The following LRRC75A variants were observed in gnomAD, a reference collection of about 807,000 sequenced individuals.
LRRC75A encodes the protein leucine rich repeat containing 75A.
Under a neutral mutation model 26.0 loss-of-function variants are expected in LRRC75A, and 12 were observed. The ratio of observed to expected loss-of-function variants is 0.46; its 90% CI spans 0.30 to 0.75. The LOEUF is 0.75. Ranked by LOEUF, LRRC75A falls within the 30% of genes least tolerant of loss-of-function variation. The probability of loss-of-function intolerance (pLI) is 0.08; values close to 1 mark genes in which losing one functional copy is unlikely to be tolerated. For missense variants in LRRC75A, 410 were observed against 486.6 expected (o/e 0.84, Z 1.48); for synonymous variants, 223 against 219.3 (o/e 1.02, Z -0.15).
chr17:16,459,575 G>A lies in LRRC75A; in HGVS notation c.375+2683C>T, dbSNP rs77102880. Among the ~76,000 whole-genome samples, 1,481 of 152,334 alleles carry A rather than the reference G, an allele frequency of 9.7e-3. 16 individuals are homozygous for A. Among genetic ancestry groups the A allele is most frequent in the Non-Finnish European group, 0.017 (1,162 of 68,022 alleles). ...CAGGCAAAGCCAGATGAGGAGTTTG[G>A]GTTTTGTTTAAACTACAGCACAGCC... On this transcript the variant is annotated intron_variant, in intron 2 of 3. Coordinates refer to ENST00000470794, the MANE Select transcript of LRRC75A (RefSeq NM_001113567.3).
intron 1 of LRRC75A, among the ~76,000 whole-genome samples, chr17:16,479,918 C>T (rs2093829739): frequency 6.6e-6 from 1 of 152,212 alleles, no homozygotes; most frequent in Non-Finnish European, 1.5e-5. Context: ...CAGTCTGTGA[C>T]CTGTTAGGAA....
In LRRC75A at chr17:16,462,763, G is replaced by A. The variant is rs1323239223; in HGVS notation, c.247-377C>T. ...ATTTGGAATTAACTGCCTTGTGACA[G>A]GATGGTTTAATGATATTTATTTGTG... On this transcript the variant is annotated intron_variant, in intron 1 of 3. Transcript: ENST00000470794. This position sits in a 1 kb window ranked among gnomAD's most constrained non-coding sequence, Gnocchi z 4.6. 2 of 227,452 alleles carry A rather than the reference G, an allele frequency of 8.8e-6. No individual in the cohort carries two copies. The highest frequency in any genetic ancestry group is 1.5e-3 in the Middle Eastern group (1 of 654). The allele number at this position is 227,452 out of a possible 1,614,324, so 14.1% of individuals were successfully genotyped here.
intron 1 of LRRC75A, among the ~76,000 whole-genome samples, chr17:16,473,639 C>G (rs1026544402): frequency 6.6e-6 from 1 of 152,160 alleles, no homozygotes; most frequent in Admixed American, 6.5e-5. Context: ...CATTGGCACC[C>G]ACTCCCCGCT....
chr17:16,454,469 A>T lies in LRRC75A; in HGVS notation c.376-6509T>A, dbSNP rs192552103. Reference sequence around the variant, plus strand: ...CACTTTGGGAGGCAGAGGGGGGCGGATCACCTGAGGTTGGGAGTTTGAGAC... The same window carrying T: ...CACTTTGGGAGGCAGAGGGGGGCGGTTCACCTGAGGTTGGGAGTTTGAGAC... On this transcript the variant is annotated intron_variant, in intron 2 of 3. Transcript: ENST00000470794. Among the ~76,000 whole-genome samples the T allele has an allele frequency of 2.6e-3, 396 of 152,106 alleles. 4 individuals carry two copies. The highest frequency in any genetic ancestry group is 9.2e-3 in the African/African-American group (381 of 41,462).
At chr17:16,489,648 G>A (rs2093853460) in intron 1 of LRRC75A, among the ~76,000 whole-genome samples, 1 of 152,246 alleles carries the variant, frequency 6.6e-6, no homozygotes. Flanking sequence ...TCATAGGCAA[G>A]TGAACACTCC....
chr17:16,452,892 G>A (rs1436498028), intron 2 of LRRC75A, among the ~76,000 whole-genome samples: 2 of 152,144 alleles, frequency 1.3e-5, no homozygotes, highest in African/African-American at 4.8e-5. Context: ...GCTTAGAACT[G>A]AGCCCCTCAG....
At chr17:16,455,559 T>A (rs1003619327) in intron 2 of LRRC75A, among the ~76,000 whole-genome samples, 2 of 152,098 alleles carry the variant, frequency 1.3e-5, no homozygotes, top group East Asian at 3.9e-4. Context: ...TTTTTTGTAT[T>A]TCTATTAGAG....
intron 1 of LRRC75A, among the ~76,000 whole-genome samples, chr17:16,468,484 C>T (rs1282398359): frequency 2.0e-5 from 3 of 152,118 alleles, no homozygotes; most frequent in Non-Finnish European, 4.4e-5. Context: ...TGTCTGGTTT[C>T]ACTTATATGA....
intron 2 of LRRC75A, 156 bp from the exon 3 acceptor site, chr17:16,448,116 A>G: frequency 1.5e-6 from 1 of 673,178 alleles, no homozygotes; most frequent in Non-Finnish European, 2.7e-6. Context: ...CTAGGCAGAC[A>G]GCAGTGGCTG....
At chr17:16,445,694 A>G (rs1229190875) in intron 3 of LRRC75A, among the ~76,000 whole-genome samples, 1 of 152,218 alleles carries the variant, frequency 6.6e-6, no homozygotes, top group African/African-American at 2.4e-5. Flanking sequence ...AAAACTCTCA[A>G]GGCGTGACAT....
intron 1 of LRRC75A, among the ~76,000 whole-genome samples, chr17:16,481,364 T>A (rs1379314973): frequency 6.6e-6 from 1 of 152,172 alleles, no homozygotes; most frequent in African/African-American, 2.4e-5. Flanking sequence ...GGAAGTGTGA[T>A]AGTCAACTGT....
chr17:16,442,142 T>C lies in LRRC75A; in HGVS notation c.*1446A>G, dbSNP rs895325415. On this transcript the variant is annotated 3_prime_UTR_variant, in exon 4 of 4. Transcript: ENST00000470794. ...GTCAGCCTAAGCTCTTAACCCCCTATTCTACAGCTTTAGACTGAAGGCAAA... is the reference window on the plus strand; with the variant it reads ...GTCAGCCTAAGCTCTTAACCCCCTACTCTACAGCTTTAGACTGAAGGCAAA... 2 of 152,324 alleles carry C rather than the reference T, an allele frequency of 1.3e-5. No individual in the cohort carries two copies. The highest frequency in any genetic ancestry group is 2.9e-5 in the Non-Finnish European group (2 of 68,130). 9.4% of individuals were successfully genotyped at this position (152,324 alleles called of 1,614,324 possible).
At position 16,491,737 on chromosome 17, in the gene LRRC75A, G is replaced by A. The variant is rs1454999053; in HGVS notation, c.246+8C>T. ...GGCGCGCCCCCCGCGCCCCCTCCCC[G>A]CGCTCACCTGGCGCAGGTGCTGCAG... On this transcript the variant is annotated splice_region_variant and intron_variant, in intron 1 of 3. Transcript: ENST00000470794. This position sits in a 1 kb window ranked among gnomAD's most constrained non-coding sequence, Gnocchi z 5.9. 8.0e-7 allele frequency: 1 copy of A among 1,248,122 alleles called. No homozygotes were observed. The highest frequency in any genetic ancestry group is 1.0e-6 in the Non-Finnish European group (1 of 984,644). The allele number at this position is 1,248,122 out of a possible 1,614,324, so 77.3% of individuals were successfully genotyped here.
Position 16,462,148 on chromosome 17 carries a change from T to G in LRRC75A, c.375+110A>C. On this transcript the variant is annotated intron_variant, in intron 2 of 3. Coordinates refer to ENST00000470794, the MANE Select transcript of LRRC75A (RefSeq NM_001113567.3). This position sits in a 1 kb window ranked among gnomAD's most constrained non-coding sequence, Gnocchi z 4.6. ...TCTTGGTGCCTGGAGGACGGGCTTG[T>G]CCTCCTTGGGCCTGTCTGCCAGTCC... The G allele has an allele frequency of 7.7e-7, 1 of 1,291,092 alleles. No individual in the cohort carries two copies. 80.0% of individuals were successfully genotyped at this position (1,291,092 alleles called of 1,614,324 possible).
chr17:16,469,809 T>C (rs1191083519), intron 1 of LRRC75A, among the ~76,000 whole-genome samples: 6 of 152,224 alleles, frequency 3.9e-5, no homozygotes. Flanking sequence ...CTTCCCGCCT[T>C]GGGAGTTGCT....
At chr17:16,460,140 C>T (rs1031824417) in intron 2 of LRRC75A, among the ~76,000 whole-genome samples, 12 of 152,160 alleles carry the variant, frequency 7.9e-5, no homozygotes, top group African/African-American at 2.4e-4. Flanking sequence ...TGTGAGGACA[C>T]AGGAAGGTGA....
intron 2 of LRRC75A, among the ~76,000 whole-genome samples, chr17:16,459,173 C>G (rs950167455): frequency 1.1e-4 from 17 of 152,342 alleles, no homozygotes; most frequent in African/African-American, 3.8e-4. Context: ...ATGAACAAGA[C>G]AGACACCCTT....
chr17:16,443,468 G>A lies in LRRC75A; in HGVS notation c.*120C>T. 1.1e-6 allele frequency: 1 copy of A among 907,872 alleles called. No individual in the cohort carries two copies. The highest frequency in any genetic ancestry group is 1.6e-6 in the Non-Finnish European group (1 of 625,334). The allele number at this position is 907,872 out of a possible 1,614,324, so 56.2% of individuals were successfully genotyped here. On this transcript the variant is annotated 3_prime_UTR_variant, in exon 4 of 4. Coordinates refer to ENST00000470794, the MANE Select transcript of LRRC75A (RefSeq NM_001113567.3). ...ATATGGTTTGCCTTTCTGTAGGTGG[G>A]TGGCCCAGGCCAATTTTTGGCAATA...
At chr17:16,479,062 C>A (rs1489500954) in intron 1 of LRRC75A, among the ~76,000 whole-genome samples, 1 of 152,214 alleles carries the variant, frequency 6.6e-6, no homozygotes, top group African/African-American at 2.4e-5. Flanking sequence ...GGGTCCGGGG[C>A]TCATGGAAGC....
Sources: gnomAD v4.1 joint callset for allele counts (sites outside exome capture counted in the v4.1 genomes callset) on GRCh38, gnomAD v4.1.1 for gene constraint, Gnocchi (gnomAD v3.1) non-coding constraint, MANE v1.5 for transcripts, NCBI Gene and HGNC (gene_info 2026-07-23, HGNC 2026-07-21) for gene names.